The following TDRD12 variants were observed in gnomAD, a reference collection of about 807,000 sequenced individuals.
TDRD12 encodes the protein tudor domain containing 12, also known as putative ATP-dependent RNA helicase TDRD12.
In TDRD12, 158 loss-of-function variants were observed where a neutral mutation model predicts 133.5. The observed-to-expected ratio is 1.18, with a 90% CI of 1.04 to 1.35. The LOEUF is 1.35. Ranked by LOEUF, TDRD12 falls within the 40% of genes most tolerant of loss-of-function variation. TDRD12 has a pLI of 0.00. For synonymous variants in TDRD12, 460 were observed against 477.9 expected (o/e 0.96, Z 0.49); for missense variants, 1,443 against 1,321.3 (o/e 1.09, Z -1.43).
intron 8 of TDRD12, among the ~76,000 whole-genome samples, chr19:32,765,903 AC>A (rs1403014123): frequency 2.0e-5 from 3 of 151,690 alleles, no homozygotes; most frequent in East Asian, 1.9e-4. Flanking sequence ...AAAAAAAAAA[AC>A]AGAGCAGCTG....
chr19:32,746,542 G>A (rs1384552421), intron 4 of TDRD12, among the ~76,000 whole-genome samples: 1 of 148,528 alleles, frequency 6.7e-6, no homozygotes, highest in African/African-American at 2.5e-5. Context: ...GAGACGGGGA[G>A]AGAGACTGGC....
intron 1 of TDRD12, among the ~76,000 whole-genome samples, chr19:32,726,297 G>T (rs949013078): frequency 6.6e-6 from 1 of 151,972 alleles, no homozygotes; most frequent in Admixed American, 6.6e-5. Context: ...AGCCACGATG[G>T]TCTTGATCTC....
At chr19:32,821,502 C>G (rs1967395556), downstream of TDRD12, among the ~76,000 whole-genome samples, 1 of 152,112 alleles carries the variant, frequency 6.6e-6, no homozygotes, top group African/African-American at 2.4e-5. Flanking sequence ...ATTCTGATTT[C>G]TGACACCATG....
chr19:32,730,388 GAA>G (rs1969012061), intron 1 of TDRD12, among the ~76,000 whole-genome samples: 1 of 152,102 alleles, frequency 6.6e-6, no homozygotes, highest in Non-Finnish European at 1.5e-5. Context: ...CTCACCCAGG[GAA>G]GTTTCCTTCT....
intron 4 of TDRD12, among the ~76,000 whole-genome samples, chr19:32,743,432 G>T (rs957627583): frequency 7.6e-6 from 1 of 130,934 alleles, no homozygotes; most frequent in Non-Finnish European, 1.6e-5. Flanking sequence ...TTCTTTTTTT[G>T]AGATAGGGTC....
At chr19:32,722,714 C>G (rs1321702610) in intron 1 of TDRD12, among the ~76,000 whole-genome samples, 2 of 144,532 alleles carry the variant, frequency 1.4e-5, no homozygotes, top group African/African-American at 2.6e-5. Context: ...GCGTCTCGCT[C>G]TGTTGCCCAG....
chr19:32,813,449 T>A (rs1245638029), intron 24 of TDRD12, among the ~76,000 whole-genome samples: 1 of 152,186 alleles, frequency 6.6e-6, no homozygotes, highest in Non-Finnish European at 1.5e-5. Flanking sequence ...GACCCCCGCC[T>A]TGAGCTCTGG....
At chr19:32,743,264 T>C (rs936140591) in intron 4 of TDRD12, among the ~76,000 whole-genome samples, 2 of 152,212 alleles carry the variant, frequency 1.3e-5, no homozygotes, top group African/African-American at 4.8e-5. Context: ...TCATTGCAGC[T>C]TCACCCTCCT....
chr19:32,719,928 G>A, exon 1 of TDRD12: 2 of 1,035,822 alleles, frequency 1.9e-6, no homozygotes, highest in Non-Finnish European at 2.8e-6. Flanking sequence ...TGGGGCACCT[G>A]CCGCGGGGGG....
At chr19:32,772,246 C>G (rs1046882537) in intron 8 of TDRD12, among the ~76,000 whole-genome samples, 1 of 152,192 alleles carries the variant, frequency 6.6e-6, no homozygotes, top group Non-Finnish European at 1.5e-5. Flanking sequence ...GGCTGCTTCC[C>G]CACAGCGTCA....
chr19:32,800,166 G>C lies in TDRD12; in HGVS notation c.1759-1G>C. Reference sequence around the variant, plus strand: ...TGAAATTAATTATGCTAATTTTTCAGATGTTTGCTATATTAGATAACTTTA... The same window carrying C: ...TGAAATTAATTATGCTAATTTTTCACATGTTTGCTATATTAGATAACTTTA... On this transcript the variant is annotated splice_acceptor_variant, in intron 16 of 27. Transcript: ENST00000444215. LOFTEE classifies it high-confidence loss of function. The C allele has an allele frequency of 2.1e-6, 3 of 1,434,634 alleles. No individual in the cohort carries two copies. The highest frequency in any genetic ancestry group is 2.8e-6 in the Non-Finnish European group (3 of 1,073,624). The allele number at this position is 1,434,634 out of a possible 1,614,324, so 88.9% of individuals were successfully genotyped here. A position where few individuals can be genotyped will look rare whatever the true frequency, so the allele number is the denominator to read the frequency against.
At chr19:32,738,541 C>T (rs1041861644) in intron 2 of TDRD12, among the ~76,000 whole-genome samples, 16 of 152,120 alleles carry the variant, frequency 1.1e-4, no homozygotes, top group South Asian at 2.1e-4. Flanking sequence ...GTTGGCCAGG[C>T]GTGATGGCTC....
At chr19:32,781,566 A>G (rs763381492) in intron 11 of TDRD12, among the ~76,000 whole-genome samples, 1 of 152,214 alleles carries the variant, frequency 6.6e-6, no homozygotes, top group Non-Finnish European at 1.5e-5. Flanking sequence ...CTTTTAGATT[A>G]TCTTCACACT....
chr19:32,727,730 G>A lies in TDRD12; in HGVS notation c.25-3995G>A, dbSNP rs547218205. On this transcript the variant is annotated intron_variant, in intron 1 of 27. Coordinates refer to ENST00000444215, the Ensembl canonical transcript of TDRD12. ...GTTACCCAGGCCGGAGTGCAGTGGT[G>A]CAATTTCGGCTCACTGCAACCTCCA... is the stretch of plus-strand genomic sequence containing the variant. Among the ~76,000 whole-genome samples the A allele has an allele frequency of 2.6e-5, 4 of 152,244 alleles. No individual in the cohort carries two copies. The South Asian group carries it at 8.3e-4, about 32-fold the overall frequency.
chr19:32,820,249 C>T (rs2145755762), intron 27 of TDRD12, among the ~76,000 whole-genome samples: 1 of 152,220 alleles, frequency 6.6e-6, no homozygotes, highest in South Asian at 2.1e-4. Context: ...CAGAAGACAG[C>T]ACACCCCTCC....
intron 11 of TDRD12, 79 bp from the exon 12 acceptor site, chr19:32,790,452 C>T (rs1971036089): frequency 7.2e-7 from 1 of 1,389,016 alleles, no homozygotes. Context: ...CTATCTCTGT[C>T]AAGGAAGAAC....
rs543127909 is a variant in TDRD12, at chr19:32,826,764, G to A, written c.1049+166G>A. On this transcript the variant is annotated intron_variant, in intron 9 of 9. Transcript: ENST00000637289. ...CTTCCCCAAGGGTAAGGCATAGAGC[G>A]CCCACTCTCCGAGGGGTTGTAGGTT... is the stretch of plus-strand genomic sequence containing the variant. 36 of 1,230,558 alleles carry A rather than the reference G, an allele frequency of 2.9e-5. No individual in the cohort carries two copies. In the Admixed American group the frequency reaches 3.0e-4, roughly 10 times the overall value. The allele number at this position is 1,230,558 out of a possible 1,614,324, so 76.2% of individuals were successfully genotyped here. A position where few individuals can be genotyped will look rare whatever the true frequency, so the allele number is the denominator to read the frequency against.
chr19:32,780,115 G>A (rs1267591053), intron 11 of TDRD12, among the ~76,000 whole-genome samples: 100 of 127,072 alleles, frequency 7.9e-4, no homozygotes, highest in Non-Finnish European at 1.3e-3. Context: ...ACAGAGTCTC[G>A]CTCTGTAGCC....
At chr19:32,730,790 C>T (rs755071665) in intron 1 of TDRD12, among the ~76,000 whole-genome samples, 158 of 152,138 alleles carry the variant, frequency 1.0e-3, no homozygotes, top group Non-Finnish European at 1.9e-3. Flanking sequence ...CTGAGATGGG[C>T]GAATCACCTG....
Sources: gnomAD v4.1 joint callset for allele counts (sites outside exome capture counted in the v4.1 genomes callset) on GRCh38, gnomAD v4.1.1 for gene constraint, MANE v1.5 for transcripts, NCBI Gene and HGNC (gene_info 2026-07-23, HGNC 2026-07-21) for gene names.